Variants in PLEKHM2 observed in about 807,000 individuals in gnomAD.
PLEKHM2 encodes pleckstrin homology and RUN domain containing M2.
In PLEKHM2, 77 loss-of-function variants were observed where a neutral mutation model predicts 116.3. The ratio of observed to expected loss-of-function variants is 0.66; its 90% confidence interval spans 0.55 to 0.80. The LOEUF is 0.80. PLEKHM2 is among the 30% of genes least tolerant of loss of function. The pLI, the probability that PLEKHM2 is intolerant of heterozygous loss-of-function variation, is 0.00. For synonymous variants in PLEKHM2, 562 were observed against 571.0 expected (o/e 0.98, Z 0.22); for missense variants, 1,183 against 1,354.9 (o/e 0.87, Z 1.99).
chr1:15,728,773 C>A lies in PLEKHM2; in HGVS notation c.1986+40C>A. ...CGCAGTTGTGCGCCTGCTGTAGGTA[C>A]AGGGCTTCTCAAGCCACTTACCCAT... On this transcript the variant is annotated intron_variant, in intron 12 of 19. Transcript: ENST00000375799. The surrounding 1 kb of genome is among the most constrained non-coding windows in gnomAD (Gnocchi z 5.9). The A allele has an allele frequency of 6.5e-7, 1 of 1,544,624 alleles. No homozygotes were observed. Among genetic ancestry groups the A allele is most frequent in the Non-Finnish European group, 8.8e-7 (1 of 1,130,582 alleles).
Position 15,718,639 on chromosome 1 carries a change from GCT to G in PLEKHM2, c.465+18_465+19del. The G allele has an allele frequency of 7.5e-7, 1 of 1,333,360 alleles. No individual in the cohort carries two copies. Among genetic ancestry groups the G allele is most frequent in the Non-Finnish European group, 1.0e-6 (1 of 983,402 alleles). 82.6% of individuals were successfully genotyped at this position (1,333,360 alleles called of 1,614,324 possible). On this transcript the variant is annotated intron_variant, in intron 5 of 19. Coordinates refer to ENST00000375799, the MANE Select transcript of PLEKHM2 (RefSeq NM_015164.4). Reference sequence around the variant, plus strand: ...GAGCTGGATCTGGTGAGACACCAGGGCTCTCACTGCTTGTGGGAAGCAGAGGA... The same window carrying G: ...GAGCTGGATCTGGTGAGACACCAGGGCTCACTGCTTGTGGGAAGCAGAGGA...
chr1:15,688,741 T>A (rs1640826484), intron 1 of PLEKHM2, among the ~76,000 whole-genome samples: 1 of 151,968 alleles, frequency 6.6e-6, no homozygotes, highest in South Asian at 2.1e-4. Context: ...ACATCCCAGA[T>A]GCTGCCAGTA....
chr1:15,729,006 T>G lies in PLEKHM2; in HGVS notation c.1987-96T>G, dbSNP rs968925825. On this transcript the variant is annotated intron_variant, in intron 12 of 19. Transcript: ENST00000375799. The surrounding 1 kb of genome is among the most constrained non-coding windows in gnomAD (Gnocchi z 4.7). Reference sequence around the variant, plus strand: ...ACTTGGTGGTGGCCCGGGGTGTGCTTCTTCCTCCCCAGCAAGCGCTCAGCC... The same window carrying G: ...ACTTGGTGGTGGCCCGGGGTGTGCTGCTTCCTCCCCAGCAAGCGCTCAGCC... The G allele has an allele frequency of 3.4e-6, 4 of 1,174,134 alleles. No individual in the cohort carries two copies. Among genetic ancestry groups the G allele is most frequent in the Middle Eastern group, 2.3e-4 (1 of 4,422 alleles). 72.7% of individuals were successfully genotyped at this position (1,174,134 alleles called of 1,614,324 possible). A position where few individuals can be genotyped will look rare whatever the true frequency, so the allele number is the denominator to read the frequency against.
intron 19 of PLEKHM2, 117 bp from the exon 20 acceptor site, chr1:15,733,680 G>C: frequency 9.4e-7 from 1 of 1,065,858 alleles, no homozygotes; most frequent in Non-Finnish European, 1.4e-6. Flanking sequence ...GGGAGAGATG[G>C]GGAGGGCCTG....
At chr1:15,712,409 G>A (rs1410013495) in intron 1 of PLEKHM2, among the ~76,000 whole-genome samples, 1 of 152,208 alleles carries the variant, frequency 6.6e-6, no homozygotes, top group African/African-American at 2.4e-5. Flanking sequence ...CAGGCAGATT[G>A]TGAATGTGTT....
intron 1 of PLEKHM2, among the ~76,000 whole-genome samples, chr1:15,707,094 A>G (rs1046624906): frequency 1.5e-5 from 2 of 135,942 alleles, no homozygotes; most frequent in African/African-American, 6.8e-5. Flanking sequence ...CTCTGAGACA[A>G]ACTCCGTCTC....
chr1:15,725,308 T>C lies in PLEKHM2; in HGVS notation c.713-9T>C. On this transcript the variant is annotated splice_polypyrimidine_tract_variant and intron_variant, in intron 7 of 19. Transcript: ENST00000375799. The stretch of plus-strand genomic sequence containing the variant: ...TGACAGGGTGTCTCCTGCTTCCTTG[T>C]CCTCCCAGATGGAGACCTCACAGAC... 1 of 1,545,752 alleles carries C rather than the reference T, an allele frequency of 6.5e-7. No individual in the cohort carries two copies. Among genetic ancestry groups the C allele is most frequent in the East Asian group, 2.4e-5 (1 of 40,878 alleles).
At chr1:15,698,175 A>G (rs1237758294) in intron 1 of PLEKHM2, among the ~76,000 whole-genome samples, 1 of 152,116 alleles carries the variant, frequency 6.6e-6, no homozygotes, top group African/African-American at 2.4e-5. Flanking sequence ...ACATCGCTGA[A>G]GGACAGCATT....
In PLEKHM2 at chr1:15,730,708, C is replaced by T. The variant is rs1460121163; in HGVS notation, c.2385C>T (p.Cys795=). The part of the protein sequence containing the change: ...SYLGKEHWKT[C]FVVLSNGILY... ...TGGGCAAGGAACACTGGAAGACGTG[C>T]TTCGTGGTGCTCAGGTGGGAGCCCT... Residue 795 remains cysteine (C), a synonymous_variant, in exon 15 of 20, where the codon TGC becomes TGT. Transcript: ENST00000375799. 13 of 1,599,850 alleles carry T rather than the reference C, an allele frequency of 8.1e-6. No individual in the cohort carries two copies. The highest frequency in any genetic ancestry group is 1.0e-5 in the Non-Finnish European group (12 of 1,173,686).
rs114598853 is a variant in PLEKHM2 at position 15,721,475 on chromosome 1, T to C, written c.712+87T>C. On this transcript the variant is annotated intron_variant, in intron 7 of 19. Coordinates refer to ENST00000375799, the MANE Select transcript of PLEKHM2 (RefSeq NM_015164.4). The surrounding 1 kb of genome is among the most constrained non-coding windows in gnomAD (Gnocchi z 5.1). The stretch of plus-strand genomic sequence containing the variant: ...CTGCATGTATCAAATCAGCTCCTTA[T>C]TATTTATAATAATATCCATAATCAT... The C allele has an allele frequency of 0.021, 15,472 of 753,446 alleles. 232 individuals carry two copies. Among genetic ancestry groups the C allele is most frequent in the Non-Finnish European group, 0.026 (11,535 of 448,482 alleles). 46.7% of individuals were successfully genotyped at this position (753,446 alleles called of 1,614,324 possible).
At chr1:15,696,598 G>A (rs1159752721) in intron 1 of PLEKHM2, among the ~76,000 whole-genome samples, 2 of 151,946 alleles carry the variant, frequency 1.3e-5, no homozygotes, top group Admixed American at 1.3e-4. Flanking sequence ...TGATCCGCCC[G>A]CCTCGGCCTC....
intron 7 of PLEKHM2, among the ~76,000 whole-genome samples, chr1:15,724,494 AAAG>A (rs1437969904): frequency 2.0e-5 from 3 of 151,772 alleles, no homozygotes; most frequent in Non-Finnish European, 4.4e-5. Context: ...AAAAAAAAAA[AAAG>A]AAAGAAATGG....
chr1:15,701,663 C>A (rs973636801), intron 1 of PLEKHM2, among the ~76,000 whole-genome samples: 1 of 149,592 alleles, frequency 6.7e-6, no homozygotes, highest in Admixed American at 6.7e-5. Context: ...TGGTGGCGGG[C>A]GCCTGTAGTC....
At chr1:15,711,323 G>A (rs1641326015) in intron 1 of PLEKHM2, among the ~76,000 whole-genome samples, 1 of 151,548 alleles carries the variant, frequency 6.6e-6, no homozygotes, top group Non-Finnish European at 1.5e-5. Flanking sequence ...AAAGAAAAAA[G>A]GCACTTTTGT....
Position 15,728,729 on chromosome 1 carries a change from T to C in PLEKHM2, c.1982T>C (p.Val661Ala). 1 of 1,608,600 alleles carries C rather than the reference T, an allele frequency of 6.2e-7. No homozygotes were observed. The highest frequency in any genetic ancestry group is 8.5e-7 in the Non-Finnish European group (1 of 1,177,528). The change falls in exon 12 of 20, where the codon GTG becomes GCG. Residue 661 changes from valine (V) to alanine (A), a missense_variant. Val to Ala is a moderately conservative substitution (Grantham distance 64, BLOSUM62 0). Around this residue, in one of 3 missense-constraint regions of PLEKHM2, gnomAD observed 594 missense variants for 720.1 expected, o/e 0.82. Transcript: ENST00000375799. This position sits in a 1 kb window ranked among gnomAD's most constrained non-coding sequence, Gnocchi z 5.9. ...EAVSYNELDYVSVGLDQQTVK... is the reference protein window; with the variant it reads ...EAVSYNELDYASVGLDQQTVK... The stretch of plus-strand genomic sequence containing the variant: ...GTTTCTTACAATGAACTTGACTATG[T>C]GTCGGTGAGTCCAGGCCCCGCAGTT...
At chr1:15,690,582 A>C (rs1640870346) in intron 1 of PLEKHM2, among the ~76,000 whole-genome samples, 1 of 152,240 alleles carries the variant, frequency 6.6e-6, no homozygotes, top group Admixed American at 6.5e-5. Context: ...CATACGACGC[A>C]TGTGTTCATA....
At chr1:15,724,285 C>A (rs935977853) in intron 7 of PLEKHM2, among the ~76,000 whole-genome samples, 22 of 152,252 alleles carry the variant, frequency 1.4e-4, no homozygotes, top group South Asian at 4.1e-4. Context: ...GAGATCGAGA[C>A]CATCCTGGCC....
At chr1:15,695,371 C>A (rs1285831969) in intron 1 of PLEKHM2, among the ~76,000 whole-genome samples, 1 of 152,154 alleles carries the variant, frequency 6.6e-6, no homozygotes, top group Non-Finnish European at 1.5e-5. Context: ...GAGTCCTGAA[C>A]ATGTTGAGAG....
In PLEKHM2 at chr1:15,727,805, C is replaced by T. The variant is rs540693679; in HGVS notation, c.1733C>T (p.Ser578Leu). Residue 578 changes from serine (S) to leucine (L), a missense_variant, in exon 9 of 20, where the codon TCG becomes TTG. Transcript: ENST00000375799. This position sits in a 1 kb window ranked among gnomAD's most constrained non-coding sequence, Gnocchi z 7.5. Reference protein sequence around the residue: ...SGVDEGQGSPSEMVHSSEFRV... With the variant: ...SGVDEGQGSPLEMVHSSEFRV... ...GTGGATGAGGGACAGGGGAGCCCTT[C>T]GGAGATGGTCCATTCCTCGGAGTTC... 23 of 1,592,786 alleles carry T rather than the reference C, an allele frequency of 1.4e-5. No homozygotes were observed. In the East Asian group the frequency reaches 1.8e-4, roughly 13 times the overall value.
Sources: gnomAD v4.1 joint callset for allele counts (sites outside exome capture counted in the v4.1 genomes callset) on GRCh38, gnomAD v4.1.1 for gene constraint, gnomAD v4.1.1 regional missense constraint, Gnocchi (gnomAD v3.1) non-coding constraint, MANE v1.5 for transcripts, NCBI Gene and HGNC (gene_info 2026-07-23, HGNC 2026-07-21) for gene names.